The following UFL1 variants were observed in gnomAD, a reference collection of about 807,000 sequenced individuals.
UFL1 encodes E3 UFM1-protein ligase 1.
In UFL1, 78 loss-of-function variants were observed where a neutral mutation model predicts 99.3. The ratio of observed to expected loss-of-function variants is 0.79; its 90% CI spans 0.65 to 0.95. UFL1 has a LOEUF of 0.95. Ranked by LOEUF, UFL1 falls within the 40% of genes least tolerant of loss-of-function variation. UFL1 has a pLI of 0.00. For synonymous variants in UFL1, 335 were observed against 322.2 expected (o/e 1.04, Z -0.42); for missense variants, 936 against 937.0 (o/e 1.00, Z 0.01).
chr6:96,522,285 GACA>G (rs1389982400), intron 1 of UFL1, among the ~76,000 whole-genome samples: 3 of 152,116 alleles, frequency 2.0e-5, no homozygotes, highest in Admixed American at 2.0e-4. Context: ...AAATCACTGT[GACA>G]TCTTGGCTAT....
rs559881849 is a variant in UFL1, at chr6:96,529,070, T to C, written c.596+438T>C. Among the ~76,000 whole-genome samples the C allele has an allele frequency of 3.9e-5, 6 of 152,292 alleles. No homozygotes were observed. The East Asian group carries it at 1.2e-3, about 29-fold the overall frequency. ...TTGGGCATCATATGGGGCTAGAGAA[T>C]TTTATGACATTTTTTACTTTCTAGC... On this transcript the variant is annotated intron_variant, in intron 6 of 18. Transcript: ENST00000369278.
intron 1 of UFL1, 157 bp from the exon 2 acceptor site, chr6:96,522,989 A>G: frequency 1.6e-6 from 1 of 614,224 alleles, no homozygotes; most frequent in Non-Finnish European, 2.5e-6. Flanking sequence ...TTTTTTTTTA[A>G]CTTATTGAAT....
rs755474147 is a variant in UFL1, at chr6:96,549,593, T to G, written c.1687+15T>G. On this transcript the variant is annotated intron_variant, in intron 14 of 18. Coordinates refer to ENST00000369278, the MANE Select transcript of UFL1 (RefSeq NM_015323.5). ...GTTTTTTGCAGGTATACTTAATCTT[T>G]GTTAATCTTGTTTTTTCATTGATTT... 6.3e-7 allele frequency: 1 copy of G among 1,594,844 alleles called. No individual in the cohort carries two copies. The highest frequency in any genetic ancestry group is 8.5e-7 in the Non-Finnish European group (1 of 1,172,552).
rs1164620991 is a variant in UFL1 at position 96,528,556 on chromosome 6, A to G, written c.520A>G (p.Arg174Gly). The change falls in exon 6 of 19, where the codon AGA becomes GGA. Residue 174 changes from arginine (R) to glycine (G), a missense_variant. Arg to Gly is a moderately radical substitution (Grantham distance 125, BLOSUM62 -2). Coordinates refer to ENST00000369278, the MANE Select transcript of UFL1 (RefSeq NM_015323.5). The part of the protein sequence containing the change: ...IISGHIDLDN[R>G]GVIFTEAFVA... The stretch of plus-strand genomic sequence containing the variant: ...CAGTGGACATATTGATCTTGATAAT[A>G]GAGGAGTAATTTTTACGGAAGCTTT... The G allele has an allele frequency of 2.5e-6, 4 of 1,613,950 alleles. No homozygotes were observed. Among genetic ancestry groups the G allele is most frequent in the Admixed American group, 3.3e-5 (2 of 59,988 alleles).
chr6:96,531,201 T>C lies in UFL1; in HGVS notation c.596+2569T>C, dbSNP rs529164927. ...ATTTGTCTTCCATGAAACCAGTTCC[T>C]GGTGCTAAAAAGGATGGGGACCGTT... On this transcript the variant is annotated intron_variant, in intron 6 of 18. Coordinates refer to ENST00000369278, the MANE Select transcript of UFL1 (RefSeq NM_015323.5). Among the ~76,000 whole-genome samples, 3 of 152,336 alleles carry C rather than the reference T, an allele frequency of 2.0e-5. No homozygotes were observed. The East Asian group carries it at 5.8e-4, about 29-fold the overall frequency.
chr6:96,542,792 T>G, intron 11 of UFL1, 102 bp from the exon 12 acceptor site: 1 of 1,208,594 alleles, frequency 8.3e-7, no homozygotes, highest in Non-Finnish European at 1.1e-6. Context: ...ATTTTGCCTT[T>G]ATTTTTTCTG....
intron 9 of UFL1, among the ~76,000 whole-genome samples, chr6:96,537,888 T>A (rs1769875552): frequency 6.6e-6 from 1 of 151,914 alleles, no homozygotes; most frequent in Admixed American, 6.6e-5. Context: ...TGTTTATTCC[T>A]TATCCATTAA....
chr6:96,544,754 G>T (rs1769977308), intron 12 of UFL1, among the ~76,000 whole-genome samples: 1 of 150,968 alleles, frequency 6.6e-6, no homozygotes, highest in African/African-American at 2.4e-5. Context: ...TTGCCCAGGT[G>T]TACTAGGCAT....
At chr6:96,540,142 A>C (rs1400816661) in intron 10 of UFL1, among the ~76,000 whole-genome samples, 3 of 151,448 alleles carry the variant, frequency 2.0e-5, no homozygotes, top group African/African-American at 7.3e-5. Flanking sequence ...TGGAGGGTTC[A>C]TTATCTTTAA....
At chr6:96,552,361 T>C in intron 17 of UFL1, 121 bp from the exon 18 acceptor site, 1 of 1,160,918 alleles carries the variant, frequency 8.6e-7, no homozygotes, top group South Asian at 1.7e-5. Flanking sequence ...AAAGTTACCT[T>C]AAATTTTTAT....
intron 13 of UFL1, among the ~76,000 whole-genome samples, chr6:96,548,585 T>C (rs1770033092): frequency 6.6e-6 from 1 of 151,662 alleles, no homozygotes; most frequent in Admixed American, 6.6e-5. Context: ...CATTAACCAC[T>C]GGCTGGTCTC....
chr6:96,523,436 ATAT>A, intron 2 of UFL1, 145 bp downstream of exon 2: 1 of 894,730 alleles, frequency 1.1e-6, no homozygotes, highest in South Asian at 2.4e-5. Context: ...ATCAGGCTTA[ATAT>A]TTTTACTGGG....
At position 96,552,486 on chromosome 6, in the gene UFL1, A is replaced by T; in HGVS notation, c.1990A>T (p.Ile664Leu). The T allele has an allele frequency of 6.4e-7, 1 of 1,561,082 alleles. No homozygotes were observed. Among genetic ancestry groups the T allele is most frequent in the Non-Finnish European group, 8.6e-7 (1 of 1,163,606 alleles). ...KRGDKKRERQ[I>L]LFQHRQALAE... is the part of the protein sequence containing the mutation. ...TGTGCTTTTTTTTTTTTTTAGACAG[A>T]TACTGTTCCAACATCGACAAGCACT... The change falls in exon 18 of 19, where the codon ATA (isoleucine) becomes TTA (leucine). Residue 664 changes from isoleucine to leucine, a missense_variant. Physicochemically the swap from Ile to Leu is conservative, Grantham distance 5. Coordinates refer to ENST00000369278, the MANE Select transcript of UFL1 (RefSeq NM_015323.5).
rs1356862076 is a variant in UFL1, at chr6:96,536,331, T to A, written c.743T>A (p.Ile248Asn). ...RQDKAVFVPD[I>N]YSRTQSTWVD... ...GATAAAGCTGTGTTTGTCCCTGACA[T>A]CTACTCCAGGACACAGAGTACTTGG... Residue 248 changes from isoleucine (I) to asparagine (N), a missense_variant, in exon 8 of 19, where the codon ATC becomes AAC. By Grantham distance (149) the Ile-to-Asn change is moderately radical. Transcript: ENST00000369278. 1 of 1,611,822 alleles carries A rather than the reference T, an allele frequency of 6.2e-7. No homozygotes were observed. Among genetic ancestry groups the A allele is most frequent in the East Asian group, 2.2e-5 (1 of 44,822 alleles).
At chr6:96,547,815 G>A (rs781093474) in intron 12 of UFL1, among the ~76,000 whole-genome samples, 7 of 151,218 alleles carry the variant, frequency 4.6e-5, no homozygotes, top group Non-Finnish European at 1.0e-4. Flanking sequence ...AGTTGGGGGG[G>A]GGCGGTATGT....
At chr6:96,551,260 T>C (rs982459240) in intron 15 of UFL1, among the ~76,000 whole-genome samples, 173 bp from the exon 16 acceptor site, 25 of 146,702 alleles carry the variant, frequency 1.7e-4, no homozygotes, top group African/African-American at 6.2e-4. Flanking sequence ...TCTATCCTGT[T>C]TGGCTGATTG....
Position 96,534,306 on chromosome 6 carries a change from G to A in UFL1, c.640G>A (p.Glu214Lys). The A allele has an allele frequency of 6.3e-7, 1 of 1,579,410 alleles. No homozygotes were observed. Among genetic ancestry groups the A allele is most frequent in the Non-Finnish European group, 8.6e-7 (1 of 1,165,144 alleles). ...TTTGATTTCAAAATATGGATTTCAG[G>A]AGCAGCTTCTTTACTGTGAGTTTGG... ...NSLISKYGFQ[E>K]QLLYSVLEEL... The change falls in exon 7 of 19, where the codon GAG (glutamate) becomes AAG (lysine). Residue 214 changes from glutamate (E) to lysine (K), a missense_variant. Physicochemically the swap from Glu to Lys is moderately conservative, Grantham distance 56. Transcript: ENST00000369278.
intron 15 of UFL1, 152 bp downstream of exon 15, chr6:96,549,951 C>G: frequency 2.1e-6 from 2 of 971,048 alleles, no homozygotes; most frequent in South Asian, 1.9e-5. Context: ...AACTTTAGTA[C>G]TATATATACA....
At chr6:96,552,380 A>C in intron 17 of UFL1, 102 bp from the exon 18 acceptor site, 2 of 1,298,058 alleles carry the variant, frequency 1.5e-6, no homozygotes, top group Non-Finnish European at 2.0e-6. Flanking sequence ...ATGGAATTAG[A>C]TAAACTAGAG....
Sources: gnomAD v4.1 joint callset for allele counts (sites outside exome capture counted in the v4.1 genomes callset) on GRCh38, gnomAD v4.1.1 for gene constraint, MANE v1.5 for transcripts, NCBI Gene and HGNC (gene_info 2026-07-23, HGNC 2026-07-21) for gene names.